The following CDC42EP3 variants were observed in gnomAD, a reference collection of about 807,000 sequenced individuals.
The protein encoded by CDC42EP3 is CDC42 effector protein 3.
Under a neutral mutation model 15.5 loss-of-function variants are expected in CDC42EP3, and 4 were observed. The ratio of observed to expected loss-of-function variants is 0.26; its 90% CI spans 0.13 to 0.59. The LOEUF (loss-of-function observed/expected upper bound fraction) is 0.59. CDC42EP3 is among the 20% of genes least tolerant of loss of function. The probability of loss-of-function intolerance (pLI) is 0.89; values close to 1 mark genes in which losing one functional copy is unlikely to be tolerated. For synonymous variants in CDC42EP3, 145 were observed against 130.3 expected, an observed-to-expected ratio of 1.11 and a Z score of -0.77; for missense variants, 309 against 311.2, an observed-to-expected ratio of 0.99 and a Z score of 0.05.
Position 37,646,664 on chromosome 2 carries a change from C to A in CDC42EP3, c.-77G>T. On this transcript the variant is annotated 5_prime_UTR_variant, in exon 2 of 2. Transcript: ENST00000295324. ...TCACAGATGGTATATGTTTCTGAAT[C>A]CTTTTTGATAGGAACTGTCACATCA... The A allele has an allele frequency of 7.4e-7, 1 of 1,348,362 alleles. No individual in the cohort carries two copies. Among genetic ancestry groups the A allele is most frequent in the Non-Finnish European group, 1.0e-6 (1 of 989,072 alleles). The allele number at this position is 1,348,362 out of a possible 1,614,324, so 83.5% of individuals were successfully genotyped here. A position where few individuals can be genotyped will look rare whatever the true frequency, so the allele number is the denominator to read the frequency against.
intron 1 of CDC42EP3, among the ~76,000 whole-genome samples, chr2:37,654,128 AC>A (rs1665774999): frequency 6.6e-6 from 1 of 151,870 alleles, no homozygotes; most frequent in African/African-American, 2.4e-5. Context: ...TCGGCCAAGT[AC>A]CCTCCGCCGC....
At chr2:37,653,353 A>T (rs962762433) in intron 1 of CDC42EP3, among the ~76,000 whole-genome samples, 12 of 152,218 alleles carry the variant, frequency 7.9e-5, no homozygotes, top group African/African-American at 2.9e-4. Context: ...TAAGGAAGGA[A>T]GAGAGCCGGG....
intron 1 of CDC42EP3, among the ~76,000 whole-genome samples, chr2:37,657,509 C>G (rs1665907423): frequency 6.6e-6 from 1 of 152,176 alleles, no homozygotes; most frequent in South Asian, 2.1e-4. Context: ...CCTTTTTATG[C>G]TGAATCACTT....
At chr2:37,668,061 T>C (rs1666299886) in intron 1 of CDC42EP3, among the ~76,000 whole-genome samples, 1 of 152,270 alleles carries the variant, frequency 6.6e-6, no homozygotes, top group Non-Finnish European at 1.5e-5. Context: ...ATACCTGTTA[T>C]AAAGTTTAAT....
chr2:37,643,466 GA>G lies in CDC42EP3; in HGVS notation c.*2356del, dbSNP rs1277895343. 2.0e-5 allele frequency: 3 copies of G among 152,140 alleles called. No individual in the cohort carries two copies. Among genetic ancestry groups the G allele is most frequent in the African/African-American group, 7.2e-5 (3 of 41,440 alleles). The allele number at this position is 152,140 out of a possible 1,614,324, so 9.4% of individuals were successfully genotyped here. ...GAAAATGTACATGAAAGAACTCCCA[GA>G]AACTAAAATGGCTAACTGTAGGCAG... is the stretch of plus-strand genomic sequence containing the variant. On this transcript the variant is annotated 3_prime_UTR_variant, in exon 2 of 2. Coordinates refer to ENST00000295324, the MANE Select transcript of CDC42EP3 (RefSeq NM_006449.5).
chr2:37,661,799 G>T (rs1023692089), intron 1 of CDC42EP3, among the ~76,000 whole-genome samples: 1 of 152,158 alleles, frequency 6.6e-6, no homozygotes, highest in Non-Finnish European at 1.5e-5. Flanking sequence ...TCTTAAATAC[G>T]TGATAAGTAG....
At chr2:37,650,102 G>A (rs542867032) in intron 1 of CDC42EP3, among the ~76,000 whole-genome samples, 9 of 152,262 alleles carry the variant, frequency 5.9e-5, no homozygotes, top group East Asian at 1.9e-4. Context: ...GTAAGTTGAC[G>A]TTTGTGCTGC....
Position 37,646,032 on chromosome 2 carries a change from C to G in CDC42EP3, c.556G>C (p.Asp186His). ...GSASQSSQGRDSHSSSLSEQY... is the reference protein window; with the variant it reads ...GSASQSSQGRHSHSSSLSEQY... ...TCGGACAGGCTGGAGGAGTGGCTGT[C>G]TCTGCCTTGGCTGGACTGAGATGCA... The change falls in exon 2 of 2, where the codon GAC becomes CAC. Residue 186 changes from aspartate to histidine, a missense_variant. Coordinates refer to ENST00000295324, the MANE Select transcript of CDC42EP3 (RefSeq NM_006449.5). The G allele has an allele frequency of 6.2e-7, 1 of 1,613,996 alleles. No individual in the cohort carries two copies. Among genetic ancestry groups the G allele is most frequent in the Non-Finnish European group, 8.5e-7 (1 of 1,179,942 alleles).
At chr2:37,672,003 G>C (rs1048776053), upstream of CDC42EP3, 13 of 152,134 alleles carry the variant, frequency 8.5e-5, no homozygotes, top group Non-Finnish European at 1.9e-4. Flanking sequence ...CCGGGTGCAC[G>C]GGGACAATAG....
chr2:37,646,009 G>C lies in CDC42EP3; in HGVS notation c.579C>G (p.Ser193=), dbSNP rs369735107. 131 of 1,613,716 alleles carry C rather than the reference G, an allele frequency of 8.1e-5. No homozygotes were observed. The highest frequency in any genetic ancestry group is 1.3e-4 in the African/African-American group (10 of 74,918). Residue 193 remains serine (S), a synonymous_variant, in exon 2 of 2, where the codon TCC becomes TCG. Transcript: ENST00000295324. ...QGRDSHSSSL[S]EQYPDWPAED... is the part of the protein sequence containing the mutation. ...CGGCTGGCCAGTCGGGGTACTGTTC[G>C]GACAGGCTGGAGGAGTGGCTGTCTC... is the stretch of plus-strand genomic sequence containing the variant.
chr2:37,665,384 G>C (rs760154359), intron 1 of CDC42EP3, among the ~76,000 whole-genome samples: 1 of 152,058 alleles, frequency 6.6e-6, no homozygotes, highest in African/African-American at 2.4e-5. Context: ...TGACTAGCTG[G>C]TCAGCCAAAG....
At chr2:37,649,765 C>T (rs997409430) in intron 1 of CDC42EP3, among the ~76,000 whole-genome samples, 1 of 152,100 alleles carries the variant, frequency 6.6e-6, no homozygotes, top group African/African-American at 2.4e-5. Context: ...CTCACTCATC[C>T]TGCTTGAAGT....
chr2:37,662,419 C>A (rs1259574608), intron 1 of CDC42EP3, among the ~76,000 whole-genome samples: 4 of 152,228 alleles, frequency 2.6e-5, no homozygotes, highest in African/African-American at 9.6e-5. Flanking sequence ...GCTGGAAGCT[C>A]ATGGTGGGGA....
chr2:37,656,955 AGATTT>A (rs1041740164), intron 1 of CDC42EP3, among the ~76,000 whole-genome samples: 2 of 148,048 alleles, frequency 1.4e-5, no homozygotes, highest in African/African-American at 5.0e-5. Flanking sequence ...AAACGTCAAA[AGATTT>A]GAATTGTAAA....
chr2:37,662,971 T>G (rs1666117221), intron 1 of CDC42EP3, among the ~76,000 whole-genome samples: 1 of 152,162 alleles, frequency 6.6e-6, no homozygotes, highest in Admixed American at 6.5e-5. Context: ...TCGTGACCAG[T>G]CTGGCCAACA....
intron 1 of CDC42EP3, among the ~76,000 whole-genome samples, chr2:37,669,790 T>C (rs181418375): frequency 1.0e-3 from 157 of 152,328 alleles, no homozygotes; most frequent in African/African-American, 3.5e-3. Flanking sequence ...GTGAGGCCCA[T>C]TGGGAAACCC....
chr2:37,653,332 C>T (rs1665748735), intron 1 of CDC42EP3, among the ~76,000 whole-genome samples: 1 of 152,074 alleles, frequency 6.6e-6, no homozygotes, highest in African/African-American at 2.4e-5. Context: ...AAGCTACGGC[C>T]CTGGTTTTTA....
intron 1 of CDC42EP3, among the ~76,000 whole-genome samples, chr2:37,668,510 T>G (rs979038548): frequency 6.6e-6 from 1 of 152,228 alleles, no homozygotes; most frequent in Non-Finnish European, 1.5e-5. Flanking sequence ...GTGCCAGAAC[T>G]AGGACATGTG....
rs1665349425 is a variant in CDC42EP3, at chr2:37,643,873, A to G, written c.*1950T>C. 1 of 152,218 alleles carries G rather than the reference A, an allele frequency of 6.6e-6. No homozygotes were observed. Among genetic ancestry groups the G allele is most frequent in the African/African-American group, 2.4e-5 (1 of 41,450 alleles). The allele number at this position is 152,218 out of a possible 1,614,324, so 9.4% of individuals were successfully genotyped here. ...TCATGGATAACGAAATACAACTGAG[A>G]AGTTACGGAAAGCACACAATGCCCT... On this transcript the variant is annotated 3_prime_UTR_variant, in exon 2 of 2. Coordinates refer to ENST00000295324, the MANE Select transcript of CDC42EP3 (RefSeq NM_006449.5).
Sources: gnomAD v4.1 joint callset for allele counts (sites outside exome capture counted in the v4.1 genomes callset) on GRCh38, gnomAD v4.1.1 for gene constraint, MANE v1.5 for transcripts, NCBI Gene and HGNC (gene_info 2026-07-23, HGNC 2026-07-21) for gene names.